PARD3B: variants seen among roughly 807,000 people sequenced by gnomAD.
The protein encoded by PARD3B is par-3 family cell polarity regulator beta.
In PARD3B, 103 loss-of-function variants were observed where a neutral mutation model predicts 130.2. The ratio of observed to expected loss-of-function variants is 0.79; its 90% CI spans 0.67 to 0.93. The LOEUF (loss-of-function observed/expected upper bound fraction) is 0.93. Among genes scored for constraint, PARD3B ranks in the 40% least tolerant of loss-of-function variants. PARD3B has a pLI of 0.00. For missense variants in PARD3B, 1,609 were observed against 1,499.2 expected, an observed-to-expected ratio of 1.07 and a Z score of -1.21; for synonymous variants, 583 against 553.2, an observed-to-expected ratio of 1.05 and a Z score of -0.76.
At chr2:204,638,750 A>G (rs2034975787) in intron 1 of PARD3B, among the ~76,000 whole-genome samples, 1 of 152,216 alleles carries the variant, frequency 6.6e-6, no homozygotes, top group African/African-American at 2.4e-5. Flanking sequence ...GTATTGTTTT[A>G]AATGCTTTAT....
chr2:205,220,307 A>C (rs2038170882), intron 15 of PARD3B, among the ~76,000 whole-genome samples: 1 of 152,024 alleles, frequency 6.6e-6, no homozygotes, highest in African/African-American at 2.4e-5. Context: ...TTCTCTCTCC[A>C]GGCTCCCTCT....
intron 22 of PARD3B, among the ~76,000 whole-genome samples, chr2:205,608,192 T>C (rs1204292689): frequency 6.6e-6 from 1 of 152,170 alleles, no homozygotes; most frequent in Non-Finnish European, 1.5e-5. Context: ...CTTGGGCAGG[T>C]AACTGTGTAG....
intron 2 of PARD3B, among the ~76,000 whole-genome samples, chr2:204,936,781 G>A (rs2125790986): frequency 6.6e-6 from 1 of 152,288 alleles, no homozygotes; most frequent in Admixed American, 6.5e-5. Flanking sequence ...ACAAGATGAG[G>A]TCTTATCAGA....
chr2:205,414,880 TA>T (rs899139724), intron 19 of PARD3B, among the ~76,000 whole-genome samples: 4 of 151,820 alleles, frequency 2.6e-5, no homozygotes, highest in South Asian at 2.1e-4. Flanking sequence ...AATGCACCTT[TA>T]AAAAAAAGTA....
chr2:205,554,145 G>T (rs1173518307), intron 22 of PARD3B, among the ~76,000 whole-genome samples: 2 of 152,182 alleles, frequency 1.3e-5, no homozygotes, highest in East Asian at 3.8e-4. Context: ...GAGAGTATGA[G>T]AATTAATGCA....
chr2:204,963,909 A>G (rs1221802466), intron 2 of PARD3B, among the ~76,000 whole-genome samples: 2 of 152,230 alleles, frequency 1.3e-5, no homozygotes, highest in African/African-American at 2.4e-5. Flanking sequence ...ATGAGTAGTC[A>G]GTTATGAAAA....
chr2:205,486,060 A>T lies in PARD3B; in HGVS notation c.3045-13836A>T, dbSNP rs967659512. On this transcript the variant is annotated intron_variant, in intron 20 of 22. Coordinates refer to ENST00000406610, the MANE Select transcript of PARD3B (RefSeq NM_001302769.2). ...TTTGCATCCCTAAGGCCACAGCAAT[A>T]TTTATGAATAAGTAAAGCTTAAATA... Among the ~76,000 whole-genome samples the T allele has an allele frequency of 2.6e-5, 4 of 152,248 alleles. No homozygotes were observed. The South Asian group carries it at 8.3e-4, about 31-fold the overall frequency.
intron 19 of PARD3B, among the ~76,000 whole-genome samples, chr2:205,413,857 C>T (rs1302033317): frequency 6.6e-6 from 1 of 152,124 alleles, no homozygotes; most frequent in Non-Finnish European, 1.5e-5. Context: ...TGTCCCCATC[C>T]CCTTTCATTG....
At chr2:205,435,503 T>G (rs547238255) in intron 19 of PARD3B, among the ~76,000 whole-genome samples, 10 of 152,182 alleles carry the variant, frequency 6.6e-5, no homozygotes, top group African/African-American at 2.4e-4. Context: ...TGTTACTTTC[T>G]TTTTTACTGC....
chr2:205,489,524 C>CGTATATAT (rs2049597002), intron 20 of PARD3B, among the ~76,000 whole-genome samples: 7 of 34,818 alleles, frequency 2.0e-4, no homozygotes, highest in Non-Finnish European at 3.1e-4. Flanking sequence ...TATATATATA[C>CGTATATAT]ACACATATAT....
intron 16 of PARD3B, among the ~76,000 whole-genome samples, chr2:205,252,749 T>C (rs1168247607): frequency 6.6e-6 from 1 of 151,542 alleles, no homozygotes; most frequent in Admixed American, 6.6e-5. Flanking sequence ...CATTTTATCC[T>C]GTAGGCTCAG....
intron 2 of PARD3B, among the ~76,000 whole-genome samples, chr2:204,945,243 G>A (rs1049341751): frequency 3.9e-5 from 6 of 152,150 alleles, no homozygotes; most frequent in Admixed American, 6.5e-5. Flanking sequence ...TTCCTGAGGG[G>A]CTCTGGGTTC....
At chr2:205,565,137 A>G (rs1221117874) in intron 22 of PARD3B, among the ~76,000 whole-genome samples, 1 of 152,182 alleles carries the variant, frequency 6.6e-6, no homozygotes, top group Non-Finnish European at 1.5e-5. Context: ...AACTGCTTAC[A>G]TGTGGCTGAG....
At chr2:204,845,479 A>G (rs533335823) in intron 2 of PARD3B, among the ~76,000 whole-genome samples, 1 of 152,272 alleles carries the variant, frequency 6.6e-6, no homozygotes, top group African/African-American at 2.4e-5. Context: ...GATTTTACTC[A>G]TAGAGTAAAA....
At chr2:204,989,874 A>G (rs186211843) in intron 3 of PARD3B, among the ~76,000 whole-genome samples, 112 of 152,238 alleles carry the variant, frequency 7.4e-4, no homozygotes, top group Admixed American at 2.0e-3. Context: ...TACATGCAGC[A>G]TAACTATAAA....
At chr2:205,552,141 A>G (rs1297577754) in intron 21 of PARD3B, among the ~76,000 whole-genome samples, 2 of 152,212 alleles carry the variant, frequency 1.3e-5, no homozygotes, top group Non-Finnish European at 2.9e-5. Flanking sequence ...TACTGGGGCC[A>G]GTCACTGCCC....
At chr2:204,832,287 G>T (rs1026229167) in intron 2 of PARD3B, among the ~76,000 whole-genome samples, 9 of 152,060 alleles carry the variant, frequency 5.9e-5, no homozygotes, top group African/African-American at 2.2e-4. Context: ...CCAACTGGAT[G>T]ATTTTTTAGT....
chr2:205,035,477 T>A (rs1488431006), intron 3 of PARD3B, among the ~76,000 whole-genome samples: 5 of 151,958 alleles, frequency 3.3e-5, no homozygotes, highest in Non-Finnish European at 1.5e-5. Flanking sequence ...ATCTGGTGAG[T>A]GAACAAATCT....
rs201248681 is a variant in PARD3B at position 205,172,305 on chromosome 2, G to A, written c.1715G>A (p.Arg572Gln). 40 of 1,614,094 alleles carry A rather than the reference G, an allele frequency of 2.5e-5. No homozygotes were observed. Among genetic ancestry groups the A allele is most frequent in the South Asian group, 1.5e-4 (14 of 91,072 alleles). ...CACGAAGCTATGGAAACACTTAGGCGGTCAATGTCCATGGAGGGAAACATC... is the reference window on the plus strand; with the variant it reads ...CACGAAGCTATGGAAACACTTAGGCAGTCAATGTCCATGGAGGGAAACATC... The part of the protein sequence containing the change: ...SNHEAMETLR[R>Q]SMSMEGNIRG... The change falls in exon 12 of 23, where the codon CGG (arginine) becomes CAG (glutamine). Residue 572 changes from arginine (R) to glutamine (Q), a missense_variant. Arg to Gln is a conservative substitution (Grantham distance 43). Transcript: ENST00000406610.
Sources: allele counts gnomAD v4.1 joint callset (sites outside exome capture counted in the v4.1 genomes callset), GRCh38; gene constraint gnomAD v4.1.1; transcripts MANE v1.5; gene names NCBI Gene and HGNC (gene_info 2026-07-23, HGNC 2026-07-21).